Variants in CDC42BPA observed in about 807,000 individuals in gnomAD.
CDC42BPA encodes CDC42 binding protein kinase alpha.
CDC42BPA carries 80 observed loss-of-function variants against 223.5 expected under a neutral mutation model. The ratio of observed to expected loss-of-function variants is 0.36; its 90% CI spans 0.30 to 0.43. The LOEUF is 0.43. Ranked by LOEUF, CDC42BPA falls within the 20% of genes least tolerant of loss-of-function variation. The pLI is 1.00. For synonymous variants in CDC42BPA, 694 were observed against 718.6 expected (o/e 0.97, Z 0.55); for missense variants, 1,743 against 2,099.9 (o/e 0.83, Z 3.32).
intron 4 of CDC42BPA, among the ~76,000 whole-genome samples, chr1:227,195,468 G>A (rs566349477): frequency 8.2e-4 from 122 of 148,606 alleles, no homozygotes; most frequent in Non-Finnish European, 1.6e-3. Context: ...GAGCCACCAC[G>A]TCGGGGTACC....
At chr1:227,010,192 G>C (rs1664899621) in intron 34 of CDC42BPA, among the ~76,000 whole-genome samples, 1 of 152,144 alleles carries the variant, frequency 6.6e-6, no homozygotes, top group African/African-American at 2.4e-5. Context: ...CTGAATGGAA[G>C]AGACCAACAG....
chr1:227,218,100 T>C (rs957011935), intron 2 of CDC42BPA, among the ~76,000 whole-genome samples: 4 of 152,176 alleles, frequency 2.6e-5, no homozygotes, highest in African/African-American at 7.2e-5. Flanking sequence ...TGACTGGTAA[T>C]CTATGTGGGT....
chr1:227,098,151 A>T (rs1684360174), intron 15 of CDC42BPA, among the ~76,000 whole-genome samples: 2 of 152,088 alleles, frequency 1.3e-5, no homozygotes, highest in African/African-American at 4.8e-5. Flanking sequence ...ACACAAGGAC[A>T]CTAAATTTGC....
chr1:227,226,716 T>C (rs993935101), intron 2 of CDC42BPA, among the ~76,000 whole-genome samples: 1 of 152,130 alleles, frequency 6.6e-6, no homozygotes, highest in Non-Finnish European at 1.5e-5. Context: ...CTAAATAGAG[T>C]CTGTTTTGAG....
At chr1:227,097,955 A>ATT (rs1192228748) in intron 15 of CDC42BPA, among the ~76,000 whole-genome samples, 4 of 152,174 alleles carry the variant, frequency 2.6e-5, no homozygotes, top group Non-Finnish European at 4.4e-5. Flanking sequence ...CAAGTCACCC[A>ATT]CTTAGCCCAA....
chr1:227,224,035 C>T (rs1668214265), intron 2 of CDC42BPA, among the ~76,000 whole-genome samples: 1 of 152,192 alleles, frequency 6.6e-6, no homozygotes. Flanking sequence ...TTTTAATTTA[C>T]AGTGGGTTCA....
At chr1:227,287,105 C>T (rs1688936353) in intron 1 of CDC42BPA, among the ~76,000 whole-genome samples, 1 of 152,158 alleles carries the variant, frequency 6.6e-6, no homozygotes, top group Non-Finnish European at 1.5e-5. Flanking sequence ...GAAAAACTTC[C>T]AAACTACATC....
intron 32 of CDC42BPA, among the ~76,000 whole-genome samples, chr1:227,021,218 G>A (rs1172181345): frequency 2.6e-5 from 4 of 152,114 alleles, no homozygotes; most frequent in African/African-American, 9.7e-5. Context: ...AACACGCGCT[G>A]TTGGGAAAAT....
intron 1 of CDC42BPA, among the ~76,000 whole-genome samples, chr1:227,259,987 T>C (rs1227447114): frequency 2.7e-5 from 4 of 150,408 alleles, no homozygotes; most frequent in South Asian, 2.1e-4. Flanking sequence ...CATTATTTTA[T>C]TGGGAGCCAT....
At chr1:227,024,169 T>C (rs910565183) in intron 31 of CDC42BPA, among the ~76,000 whole-genome samples, 1 of 152,166 alleles carries the variant, frequency 6.6e-6, no homozygotes, top group Admixed American at 6.5e-5. Flanking sequence ...GCAAAAAGCA[T>C]GACCAGGCAT....
At chr1:227,153,585 A>G (rs968174411) in intron 6 of CDC42BPA, among the ~76,000 whole-genome samples, 1 of 151,984 alleles carries the variant, frequency 6.6e-6, no homozygotes, top group Non-Finnish European at 1.5e-5. Flanking sequence ...AGATGTTAAA[A>G]CTAGGAAGAA....
Position 227,035,615 on chromosome 1 carries a change from A to C in CDC42BPA, c.3200-8T>G. The C allele has an allele frequency of 1.9e-6, 3 of 1,564,736 alleles. No homozygotes were observed. The highest frequency in any genetic ancestry group is 2.6e-6 in the Non-Finnish European group (3 of 1,165,472). On this transcript the variant is annotated splice_polypyrimidine_tract_variant and splice_region_variant and intron_variant, in intron 24 of 36. Transcript: ENST00000366766. ...GGCATGAGAATCCACACACTTTTAG[A>C]GGGAAAAAAGAAACGTTTGATAAAA...
At chr1:227,263,230 TCAAA>T (rs554018275) in intron 1 of CDC42BPA, among the ~76,000 whole-genome samples, 68 of 152,260 alleles carry the variant, frequency 4.5e-4, no homozygotes, top group East Asian at 7.7e-4. Context: ...AGACTCTGTC[TCAAA>T]CAAACAAACA....
intron 1 of CDC42BPA, among the ~76,000 whole-genome samples, chr1:227,291,512 G>A (rs1689692359): frequency 6.6e-6 from 1 of 152,084 alleles, no homozygotes; most frequent in South Asian, 2.1e-4. Context: ...TCACACCACT[G>A]CATTCCAGCC....
intron 1 of CDC42BPA, among the ~76,000 whole-genome samples, chr1:227,293,185 G>A (rs917699981): frequency 1.3e-5 from 2 of 152,154 alleles, no homozygotes; most frequent in Non-Finnish European, 2.9e-5. Context: ...TATTGGGGAA[G>A]AGCTGGTAAG....
intron 15 of CDC42BPA, among the ~76,000 whole-genome samples, chr1:227,095,284 T>A (rs1305693496): frequency 6.6e-6 from 1 of 152,216 alleles, no homozygotes; most frequent in East Asian, 1.9e-4. Flanking sequence ...TATTTGATTA[T>A]GTATATACTA....
chr1:227,132,730 G>A (rs1023689027), intron 10 of CDC42BPA, among the ~76,000 whole-genome samples: 1 of 150,574 alleles, frequency 6.6e-6, no homozygotes, highest in Non-Finnish European at 1.5e-5. Flanking sequence ...AGTGAGGAGC[G>A]TCTCTGCCCG....
intron 1 of CDC42BPA, among the ~76,000 whole-genome samples, chr1:227,302,065 T>C (rs528354554): frequency 5.1e-4 from 77 of 152,348 alleles, no homozygotes; most frequent in Non-Finnish European, 8.2e-4. Context: ...TCCTGTCTGT[T>C]ATGGTTCACC....
intron 1 of CDC42BPA, among the ~76,000 whole-genome samples, chr1:227,284,625 AT>A: frequency 6.6e-6 from 1 of 152,140 alleles, no homozygotes; most frequent in Non-Finnish European, 1.5e-5. Context: ...ATTTGATTGC[AT>A]TTTTCTCTTG....
Sources: allele counts gnomAD v4.1 joint callset (sites outside exome capture counted in the v4.1 genomes callset), GRCh38; gene constraint gnomAD v4.1.1; transcripts MANE v1.5; gene names NCBI Gene and HGNC (gene_info 2026-07-23, HGNC 2026-07-21).